The following HTRA3 variants were observed in gnomAD, a reference collection of about 807,000 sequenced individuals.
HTRA3 encodes serine protease HTRA3.
Under a neutral mutation model 43.2 loss-of-function variants are expected in HTRA3, and 41 were observed. The observed-to-expected ratio is 0.95, with a 90% CI of 0.74 to 1.23. HTRA3 has a LOEUF of 1.23. Ranked by LOEUF, HTRA3 falls within the 50% of genes most tolerant of loss-of-function variation. The probability of loss-of-function intolerance (pLI) is 0.00; values close to 1 mark genes in which losing one functional copy is unlikely to be tolerated. For missense variants in HTRA3, 628 were observed against 647.1 expected, an observed-to-expected ratio of 0.97 and a Z score of 0.32; for synonymous variants, 295 against 287.9, an observed-to-expected ratio of 1.02 and a Z score of -0.25.
rs987435411 is a variant in HTRA3, at chr4:8,279,223, C to T, written c.386-3214C>T. Among the ~76,000 whole-genome samples, 23 of 152,192 alleles carry T rather than the reference C, an allele frequency of 1.5e-4. No individual in the cohort carries two copies. Among genetic ancestry groups the T allele is most frequent in the African/African-American group, 5.1e-4 (21 of 41,436 alleles). On this transcript the variant is annotated intron_variant, in intron 1 of 8. Coordinates refer to ENST00000307358, the MANE Select transcript of HTRA3 (RefSeq NM_053044.5). The surrounding 1 kb of genome is among the most constrained non-coding windows in gnomAD (Gnocchi z 7.4). ...CTGTCTCAGGCCTTGCTCTCCCTCC[C>T]TGTTTTATTTTCTCTTTGAAAAATG...
At chr4:8,284,448 G>A (rs1240151709) in intron 2 of HTRA3, among the ~76,000 whole-genome samples, 1 of 152,198 alleles carries the variant, frequency 6.6e-6, no homozygotes, top group African/African-American at 2.4e-5. Flanking sequence ...GCTCTGAGTG[G>A]GTGGGTGAGA....
chr4:8,291,205 G>T (rs1713223614), intron 3 of HTRA3, among the ~76,000 whole-genome samples, 165 bp from the exon 4 acceptor site: 1 of 152,208 alleles, frequency 6.6e-6, no homozygotes, highest in Non-Finnish European at 1.5e-5. Flanking sequence ...GGACTGCCCT[G>T]GTCTTGGTCT....
rs1253245292 is a variant in HTRA3 at position 8,297,440 on chromosome 4, G to A, written c.1051+3239G>A. On this transcript the variant is annotated intron_variant, in intron 6 of 8. Coordinates refer to ENST00000307358, the MANE Select transcript of HTRA3 (RefSeq NM_053044.5). The surrounding 1 kb of genome is among the most constrained non-coding windows in gnomAD (Gnocchi z 5.8). ...GGCTCTGTGTCTTGGACTCCTGTGA[G>A]CCAGAGGTCCTGCCCTCCCGCTTTC... Among the ~76,000 whole-genome samples the A allele has an allele frequency of 6.6e-6, 1 of 152,148 alleles. No homozygotes were observed. The highest frequency in any genetic ancestry group is 1.5e-5 in the Non-Finnish European group (1 of 68,024).
intron 2 of HTRA3, among the ~76,000 whole-genome samples, chr4:8,285,551 C>T (rs1299029674): frequency 6.6e-6 from 1 of 152,240 alleles, no homozygotes; most frequent in African/African-American, 2.4e-5. Context: ...CTCTACTAAG[C>T]AGCCTCAGGG....
intron 6 of HTRA3, among the ~76,000 whole-genome samples, chr4:8,299,041 T>A (rs138238526): frequency 1.3e-3 from 200 of 152,388 alleles, no homozygotes; most frequent in Non-Finnish European, 2.5e-3. Context: ...ATGATCTGAT[T>A]GGGATTCCAT....
intron 6 of HTRA3, 93 bp from the exon 7 acceptor site, chr4:8,302,370 G>T (rs4696798): frequency 0.31 from 359,701 of 1,177,390 alleles, 60,694 homozygotes; most frequent in East Asian, 0.64. Flanking sequence ...TCCTGGTCCT[G>T]CAGGGGAACT....
rs951720888 is a variant in HTRA3 at position 8,279,819 on chromosome 4, C to T, written c.386-2618C>T. ...TGGGTCAGGGCACCTCTGCACTCACCCACCCCACGCCGGGCTCCTCTCTGC... is the reference window on the plus strand; with the variant it reads ...TGGGTCAGGGCACCTCTGCACTCACTCACCCCACGCCGGGCTCCTCTCTGC... On this transcript the variant is annotated intron_variant, in intron 1 of 8. Coordinates refer to ENST00000307358, the MANE Select transcript of HTRA3 (RefSeq NM_053044.5). This position sits in a 1 kb window ranked among gnomAD's most constrained non-coding sequence, Gnocchi z 7.4. 1.3e-5 allele frequency among the ~76,000 whole-genome samples: 2 copies of T among 152,136 alleles called. No homozygotes were observed. The highest frequency in any genetic ancestry group is 4.8e-5 in the African/African-American group (2 of 41,406).
At chr4:8,302,412 G>T in intron 6 of HTRA3, 51 bp from the exon 7 acceptor site, 2 of 1,567,682 alleles carry the variant, frequency 1.3e-6, no homozygotes, top group Non-Finnish European at 1.8e-6. Flanking sequence ...GAGGGAGCGT[G>T]GTGGCTTTTC....
At chr4:8,293,899 G>C (rs1713339732) in intron 5 of HTRA3, among the ~76,000 whole-genome samples, 188 bp from the exon 6 acceptor site, 2 of 152,100 alleles carry the variant, frequency 1.3e-5, no homozygotes, top group Non-Finnish European at 2.9e-5. Context: ...GGATCTCCAG[G>C]ATTTGGAGAG....
intron 6 of HTRA3, among the ~76,000 whole-genome samples, chr4:8,300,291 G>T (rs914433343): frequency 1.3e-5 from 2 of 152,214 alleles, no homozygotes; most frequent in African/African-American, 4.8e-5. Context: ...TTTTCTGGAG[G>T]AGTTTGTATA....
chr4:8,305,876 G>A (rs1713823262), intron 8 of HTRA3, 95 bp from the exon 9 acceptor site: 1 of 1,369,650 alleles, frequency 7.3e-7, no homozygotes, highest in African/African-American at 1.4e-5. Context: ...TTGAAATGTT[G>A]TCATTGACCC....
chr4:8,294,366 G>T (rs1444148978), intron 6 of HTRA3, among the ~76,000 whole-genome samples, 165 bp downstream of exon 6: 1 of 151,728 alleles, frequency 6.6e-6, no homozygotes, highest in African/African-American at 2.4e-5. Flanking sequence ...GAGACCCCCA[G>T]GACAGCTTAT....
intron 6 of HTRA3, among the ~76,000 whole-genome samples, chr4:8,299,396 A>G (rs1713560846): frequency 6.6e-6 from 1 of 152,208 alleles, no homozygotes; most frequent in East Asian, 1.9e-4. Context: ...TGTAGATTCC[A>G]TCAGATTTCC....
In HTRA3 at chr4:8,291,315, G is replaced by A. The variant is rs149083593; in HGVS notation, c.709-55G>A. On this transcript the variant is annotated intron_variant, in intron 3 of 8. Transcript: ENST00000307358. The stretch of plus-strand genomic sequence containing the variant: ...CTGCCAGGATCTGACTCCGGTCCCC[G>A]CTGAAGGTAGACGGCTAAGCCTCCC... The A allele has an allele frequency of 6.3e-4, 948 of 1,495,062 alleles. 11 individuals carry two copies. In the African/African-American group the frequency reaches 0.011, roughly 17 times the overall value. 92.6% of individuals were successfully genotyped at this position (1,495,062 alleles called of 1,614,324 possible). A position where few individuals can be genotyped will look rare whatever the true frequency, so the allele number is the denominator to read the frequency against.
At chr4:8,278,136 G>A (rs542007968) in intron 1 of HTRA3, among the ~76,000 whole-genome samples, 10 of 152,156 alleles carry the variant, frequency 6.6e-5, no homozygotes, top group Admixed American at 1.3e-4. Context: ...TTCCATGGCA[G>A]TTATGACTGT....
At position 8,306,030 on chromosome 4, in the gene HTRA3, C is replaced by T. The variant is rs772562648; in HGVS notation, c.1256C>T (p.Ser419Leu). The T allele has an allele frequency of 5.0e-6, 8 of 1,612,662 alleles. No homozygotes were observed. Among genetic ancestry groups the T allele is most frequent in the Admixed American group, 3.3e-5 (2 of 59,864 alleles). Reference protein sequence around the residue: ...VKVNGRPLVDSSELQEAVLTE... With the variant: ...VKVNGRPLVDLSELQEAVLTE... The stretch of plus-strand genomic sequence containing the variant: ...GTCAACGGGCGTCCTCTAGTGGACT[C>T]GAGTGAGCTGCAGGAGGCCGTGCTG... Residue 419 changes from serine (S) to leucine (L), a missense_variant, in exon 9 of 9, where the codon TCG becomes TTG. Ser to Leu is a moderately radical substitution (Grantham distance 145, BLOSUM62 -2). Coordinates refer to ENST00000307358, the MANE Select transcript of HTRA3 (RefSeq NM_053044.5). This position sits in a 1 kb window ranked among gnomAD's most constrained non-coding sequence, Gnocchi z 8.9.
rs150329839 is a variant in HTRA3, at chr4:8,271,682, C to T, written c.385+1329C>T. Among the ~76,000 whole-genome samples the T allele has an allele frequency of 5.6e-3, 847 of 152,246 alleles. 12 individuals are homozygous for T. The highest frequency in any genetic ancestry group is 0.019 in the African/African-American group (789 of 41,520). ...GTTGTCTGGTGAGGGCTGCACTCTG[C>T]GGAAGGGAGGAAGCTGCGTCTTCAC... On this transcript the variant is annotated intron_variant, in intron 1 of 8. Coordinates refer to ENST00000307358, the MANE Select transcript of HTRA3 (RefSeq NM_053044.5).
chr4:8,287,160 G>T (rs1453623285), intron 3 of HTRA3, among the ~76,000 whole-genome samples: 3 of 152,214 alleles, frequency 2.0e-5, no homozygotes, highest in Non-Finnish European at 4.4e-5. Context: ...AGGCCAGGGG[G>T]CTGCCGTGGG....
chr4:8,270,014 C>T lies in HTRA3; in HGVS notation c.46C>T (p.Leu16=). ...CCTGGCCGCGTTGGCCGCGCTGGCG[C>T]TGGCCCGGGAGCCCCCTGCGGCGCC... ...LLLAALAALA[L]AREPPAAPCP... The change falls in exon 1 of 9, where the codon CTG becomes TTG. Residue 16 remains leucine, a synonymous_variant. Transcript: ENST00000307358. 1 of 1,299,830 alleles carries T rather than the reference C, an allele frequency of 7.7e-7. No homozygotes were observed. Among genetic ancestry groups the T allele is most frequent in the Non-Finnish European group, 9.7e-7 (1 of 1,030,150 alleles). The allele number at this position is 1,299,830 out of a possible 1,614,324, so 80.5% of individuals were successfully genotyped here.
Sources: allele counts gnomAD v4.1 joint callset (sites outside exome capture counted in the v4.1 genomes callset), GRCh38; gene constraint gnomAD v4.1.1; non-coding constraint Gnocchi (gnomAD v3.1); transcripts MANE v1.5; gene names NCBI Gene and HGNC (gene_info 2026-07-23, HGNC 2026-07-21).